RBPJ: variants seen among roughly 807,000 people sequenced by gnomAD.
RBPJ encodes recombining binding protein suppressor of hairless.
Under a neutral mutation model 67.8 loss-of-function variants are expected in RBPJ, and 9 were observed. That is an observed-to-expected ratio of 0.13 (90% confidence interval 0.08 to 0.23). The LOEUF (loss-of-function observed/expected upper bound fraction) is 0.23, where lower values mean the gene tolerates loss of function less well. Ranked by LOEUF, RBPJ falls within the 10% of genes least tolerant of loss-of-function variation. The probability of loss-of-function intolerance (pLI) is 1.00; values close to 1 mark genes in which losing one functional copy is unlikely to be tolerated. For synonymous variants in RBPJ, 198 were observed against 203.3 expected (o/e 0.97, Z 0.22); for missense variants, 305 against 595.6 (o/e 0.51, Z 5.08).
chr4:26,389,892 C>T (rs1226456742), intron 2 of RBPJ, among the ~76,000 whole-genome samples: 1 of 152,134 alleles, frequency 6.6e-6, no homozygotes, highest in African/African-American at 2.4e-5. Flanking sequence ...CAATTCCATA[C>T]ATACTCTTTC....
chr4:26,301,573 CAG>C (rs1395544208), intron 1 of RBPJ, among the ~76,000 whole-genome samples: 2 of 144,166 alleles, frequency 1.4e-5, no homozygotes, highest in Non-Finnish European at 3.0e-5. Flanking sequence ...GCCTGGGTGA[CAG>C]AGCGAGACTC....
chr4:26,338,092 GTTGTTTTTTT>G (rs1725061045), intron 1 of RBPJ, among the ~76,000 whole-genome samples: 1 of 97,998 alleles, frequency 1.0e-5, no homozygotes, highest in Admixed American at 9.9e-5. Context: ...GTGTTTTTTT[GTTGTTTTTTT>G]TTCATCTTCC....
the RBPJ span, among the ~76,000 whole-genome samples, chr4:26,140,661 G>A: frequency 9.3e-6 from 1 of 107,850 alleles, no homozygotes; most frequent in Non-Finnish European, 1.7e-5. Flanking sequence ...CCTCTGATTG[G>A]CCTGACTTCA....
In RBPJ at chr4:26,189,799, T is replaced by C. The variant is rs187152786; in HGVS notation, c.-167+26185T>C. 4.5e-4 allele frequency among the ~76,000 whole-genome samples: 69 copies of C among 152,328 alleles called. 2 individuals are homozygous for C. The East Asian group carries it at 0.013, about 29-fold the overall frequency. On this transcript the variant is annotated intron_variant, in intron 1 of 4. Coordinates refer to the RBPJ transcript ENST00000512351. ...GTTTTATCATGGAAATCTTAATAGT[T>C]CCAGAAAACATTGCTATGTTCATTG...
In RBPJ at chr4:26,253,759, G is replaced by A. The variant is rs938832888; in HGVS notation, c.-167+90145G>A. ...GTATGTAAAATAGAGCTAAATCTAC[G>A]TTGACTTCAGATCATAAACTGGAAA... is the stretch of plus-strand genomic sequence containing the variant. On this transcript the variant is annotated intron_variant, in intron 1 of 4. Transcript: ENST00000512351. 2.7e-5 allele frequency among the ~76,000 whole-genome samples: 4 copies of A among 148,662 alleles called. 1 individual carries two copies. Among genetic ancestry groups the A allele is most frequent in the African/African-American group, 7.9e-5 (3 of 38,182 alleles).
At chr4:26,425,179 A>C (rs999183719) in intron 7 of RBPJ, among the ~76,000 whole-genome samples, 4 of 152,186 alleles carry the variant, frequency 2.6e-5, no homozygotes, top group Non-Finnish European at 5.9e-5. Flanking sequence ...ATATAAGCGT[A>C]ATTTTTGTTA....
Position 26,369,801 on chromosome 4 carries a change from CT to C in RBPJ, c.21-16544del, listed in dbSNP as rs1416146653. 4.6e-5 allele frequency among the ~76,000 whole-genome samples: 7 copies of C among 152,068 alleles called. No homozygotes were observed. The East Asian group carries it at 7.7e-4, about 17-fold the overall frequency. ...CTCCCTCAAACAATCTTTTCTTTCT[CT>C]TTTTTTTCACTGCTCTTTTGTACTC... On this transcript the variant is annotated intron_variant, in intron 1 of 10. Transcript: ENST00000355476.
At chr4:26,409,577 G>A (rs13111856) in intron 3 of RBPJ, among the ~76,000 whole-genome samples, 75,613 of 151,938 alleles carry the variant, frequency 0.5, 20,035 homozygotes, top group Admixed American at 0.62. Context: ...TTGGCTTACT[G>A]CAACCTCTGC....
intron 1 of RBPJ, among the ~76,000 whole-genome samples, chr4:26,379,420 G>C (rs548987702): frequency 6.6e-6 from 1 of 152,144 alleles, no homozygotes; most frequent in Non-Finnish European, 1.5e-5. Context: ...AAAGAAAAGA[G>C]GTTTAATTGC....
At chr4:26,316,971 A>G (rs1011023110), upstream of RBPJ, among the ~76,000 whole-genome samples, 4 of 150,166 alleles carry the variant, frequency 2.7e-5, no homozygotes, top group Non-Finnish European at 5.9e-5. Flanking sequence ...CTTAGTCTTC[A>G]GAATCATTTT....
intron 1 of RBPJ, among the ~76,000 whole-genome samples, chr4:26,240,034 C>A (rs1188005082): frequency 6.6e-6 from 1 of 152,178 alleles, no homozygotes; most frequent in East Asian, 1.9e-4. Context: ...GTCCTCTGAG[C>A]CTTGGCAGAG....
intron 1 of RBPJ, among the ~76,000 whole-genome samples, chr4:26,377,081 C>G (rs377748124): frequency 1.3e-5 from 2 of 152,054 alleles, no homozygotes; most frequent in Non-Finnish European, 1.5e-5. Context: ...TTTGAAGGGA[C>G]CATTTCGGTT....
At chr4:26,145,171 C>T in the RBPJ span, among the ~76,000 whole-genome samples, 2 of 151,674 alleles carry the variant, frequency 1.3e-5, no homozygotes, top group Admixed American at 6.6e-5. Context: ...ATACAAGCTG[C>T]TCGTCCCAGA....
At chr4:26,148,307 G>A in the RBPJ span, among the ~76,000 whole-genome samples, 1 of 152,198 alleles carries the variant, frequency 6.6e-6, no homozygotes, top group Non-Finnish European at 1.5e-5. Flanking sequence ...AGGCTCACAG[G>A]AGGAAATGTC....
Position 26,237,441 on chromosome 4 carries a change from T to TA in RBPJ, c.-167+73830dup, listed in dbSNP as rs1165383066. On this transcript the variant is annotated intron_variant, in intron 1 of 4. Transcript: ENST00000512351. ...TCACAGTGCATATTTTGCACGGTGT[T>TA]AAAGACTCTAGGAAGTCCTAGGATT... Among the ~76,000 whole-genome samples, 3 of 152,302 alleles carry TA rather than the reference T, an allele frequency of 2.0e-5. 1 individual carries two copies. The highest frequency in any genetic ancestry group is 2.0e-4 in the Admixed American group (3 of 15,292).
chr4:26,144,807 G>A, the RBPJ span, among the ~76,000 whole-genome samples: 1 of 152,144 alleles, frequency 6.6e-6, no homozygotes, highest in East Asian at 1.9e-4. Context: ...TGACAGACTG[G>A]GGAAGCCTGA....
chr4:26,229,910 C>G (rs1229743499), intron 1 of RBPJ, among the ~76,000 whole-genome samples: 1 of 152,082 alleles, frequency 6.6e-6, no homozygotes, highest in East Asian at 1.9e-4. Context: ...AGTCATCGGC[C>G]AAGTGCAGTG....
At chr4:26,407,921 G>T (rs1312333377) in intron 3 of RBPJ, among the ~76,000 whole-genome samples, 1 of 113,074 alleles carries the variant, frequency 8.8e-6, no homozygotes, top group Non-Finnish European at 1.7e-5. Flanking sequence ...TTGAGACAGG[G>T]TCTCTGTTGC....
chr4:26,209,584 T>TCCCTCCCTTCCTCCTTCCGTCTCC, intron 1 of RBPJ, among the ~76,000 whole-genome samples: 1 of 95,518 alleles, frequency 1.0e-5, no homozygotes, highest in Non-Finnish European at 2.4e-5. Flanking sequence ...CTTCCCTGTC[T>TCCCTCCCTTCCTCCTTCCGTCTCC]CCCTCCCTTC....
Sources: allele counts gnomAD v4.1 joint callset (sites outside exome capture counted in the v4.1 genomes callset), GRCh38; gene constraint gnomAD v4.1.1; transcripts MANE v1.5; gene names NCBI Gene and HGNC (gene_info 2026-07-23, HGNC 2026-07-21).